KCND3: variants seen among roughly 807,000 people sequenced by gnomAD.
KCND3 encodes the protein A-type voltage-gated potassium channel KCND3.
A neutral mutation model predicts 51.1 loss-of-function variants in KCND3; 9 were observed. The observed-to-expected ratio is 0.18, with a 90% CI of 0.11 to 0.31. The LOEUF (loss-of-function observed/expected upper bound fraction) is 0.31. Ranked by LOEUF, KCND3 falls within the 10% of genes least tolerant of loss-of-function variation. KCND3 has a pLI of 1.00. For missense variants in KCND3, 526 were observed against 903.8 expected, an observed-to-expected ratio of 0.58 and a Z score of 5.36; for synonymous variants, 349 against 368.0, an observed-to-expected ratio of 0.95 and a Z score of 0.59.
At chr1:111,804,727 C>A (rs986845531) in intron 2 of KCND3, among the ~76,000 whole-genome samples, 1 of 152,230 alleles carries the variant, frequency 6.6e-6, no homozygotes, top group African/African-American at 2.4e-5. Context: ...TCCAAACAAC[C>A]CCAGATAGGG....
Position 111,780,213 on chromosome 1 carries a change from G to A in KCND3, c.1461+12C>T. ...AGCGATGAAAAGGAGGTGGCAAAGG[G>A]CTGGGACTCACAGTGGTTTTTTCCA... On this transcript the variant is annotated intron_variant, in intron 5 of 7. Transcript: ENST00000302127. The surrounding 1 kb of genome is among the most constrained non-coding windows in gnomAD (Gnocchi z 4.2). The A allele has an allele frequency of 6.3e-7, 1 of 1,575,206 alleles. No homozygotes were observed. The highest frequency in any genetic ancestry group is 8.6e-7 in the Non-Finnish European group (1 of 1,159,308).
In KCND3 at chr1:111,786,920, C is replaced by A. The variant is rs778305654; in HGVS notation, c.1269+24G>T. 101 of 1,613,632 alleles carry A rather than the reference C, an allele frequency of 6.3e-5. 1 individual carries two copies. The South Asian group carries it at 9.3e-4, about 15-fold the overall frequency. ...TCCCCCGCATCCTTTACACTGCCCC[C>A]GCTTCCCTGCGTCTGAGGCTTACCT... On this transcript the variant is annotated intron_variant, in intron 3 of 7. Transcript: ENST00000302127.
intron 2 of KCND3, among the ~76,000 whole-genome samples, chr1:111,798,558 C>G (rs1202581287): frequency 3.9e-5 from 6 of 151,902 alleles, no homozygotes; most frequent in Non-Finnish European, 2.9e-5. Flanking sequence ...CAAGTAGGGA[C>G]TCAATTGTTC....
At chr1:111,813,543 G>A (rs1002814148) in intron 2 of KCND3, among the ~76,000 whole-genome samples, 1 of 152,230 alleles carries the variant, frequency 6.6e-6, no homozygotes, top group Non-Finnish European at 1.5e-5. Flanking sequence ...GCTGCCATCT[G>A]TAATGAGAGG....
At chr1:111,948,867 G>C (rs1399372813) in intron 2 of KCND3, among the ~76,000 whole-genome samples, 14 of 152,086 alleles carry the variant, frequency 9.2e-5, no homozygotes, top group Admixed American at 9.2e-4. Flanking sequence ...AGAGAAGGAG[G>C]AGCAGCAAGC....
intron 2 of KCND3, among the ~76,000 whole-genome samples, chr1:111,815,958 C>A (rs1666070777): frequency 6.6e-6 from 1 of 152,082 alleles, no homozygotes; most frequent in Non-Finnish European, 1.5e-5. Context: ...ACTCCTAGGA[C>A]CCCGGGGAGG....
chr1:111,850,063 A>G (rs1195213959), intron 2 of KCND3, among the ~76,000 whole-genome samples: 1 of 152,126 alleles, frequency 6.6e-6, no homozygotes, highest in Non-Finnish European at 1.5e-5. Flanking sequence ...ATAACTCATC[A>G]GACATCTCAC....
chr1:111,802,490 G>A (rs1338021316), intron 2 of KCND3, among the ~76,000 whole-genome samples: 4 of 152,202 alleles, frequency 2.6e-5, no homozygotes, highest in South Asian at 2.1e-4. Flanking sequence ...GTGTGACTTC[G>A]GGGCAGCGAC....
chr1:111,861,036 A>G (rs535959047), intron 2 of KCND3, among the ~76,000 whole-genome samples: 1 of 152,118 alleles, frequency 6.6e-6, no homozygotes, highest in East Asian at 1.9e-4. Context: ...AAAGGGCTTC[A>G]TGGGGTCTGG....
At chr1:111,811,606 G>A (rs927560167) in intron 2 of KCND3, among the ~76,000 whole-genome samples, 1 of 152,132 alleles carries the variant, frequency 6.6e-6, no homozygotes, top group African/African-American at 2.4e-5. Context: ...CCCACTTACT[G>A]AATTCCCAAG....
rs1168626400 is a variant in KCND3, at chr1:111,894,911, G to C, written c.1106+86710C>G. ...AGGAGGAGGAGGAAGAGGAAGAGCAGGAAGAGGAAAGAGGAGAAGGGAGAA... is the reference window on the plus strand; with the variant it reads ...AGGAGGAGGAGGAAGAGGAAGAGCACGAAGAGGAAAGAGGAGAAGGGAGAA... On this transcript the variant is annotated intron_variant, in intron 2 of 7. Coordinates refer to ENST00000302127, the MANE Select transcript of KCND3 (RefSeq NM_001378969.1). 4.6e-5 allele frequency among the ~76,000 whole-genome samples: 7 copies of C among 151,858 alleles called. No individual in the cohort carries two copies. The East Asian group carries it at 1.2e-3, about 25-fold the overall frequency.
intron 2 of KCND3, among the ~76,000 whole-genome samples, chr1:111,855,305 T>G (rs544276402): frequency 6.6e-6 from 1 of 152,280 alleles, no homozygotes; most frequent in African/African-American, 2.4e-5. Flanking sequence ...CCTGCCAGCC[T>G]CCCTCCTGAG....
At chr1:111,778,363 T>G (rs1571623436) in intron 6 of KCND3, 73 bp downstream of exon 6, 2 of 1,422,242 alleles carry the variant, frequency 1.4e-6, no homozygotes, top group Non-Finnish European at 2.0e-6. Context: ...GGCCGGGGGG[T>G]AAAAAGGGGA....
rs190412821 is a variant in KCND3 at position 111,897,638 on chromosome 1, C to T, written c.1106+83983G>A. On this transcript the variant is annotated intron_variant, in intron 2 of 7. Coordinates refer to ENST00000302127, the MANE Select transcript of KCND3 (RefSeq NM_001378969.1). ...CAGGTCTGAGGGCAGTGGACTGAGG[C>T]GTTGAAGGCACATGGGCTCACTTGT... Among the ~76,000 whole-genome samples the T allele has an allele frequency of 1.5e-3, 225 of 152,242 alleles. 1 individual carries two copies. Among genetic ancestry groups the T allele is most frequent in the Middle Eastern group, 3.4e-3 (1 of 294 alleles).
chr1:111,974,468 C>G (rs1674522988), intron 2 of KCND3, among the ~76,000 whole-genome samples: 1 of 151,808 alleles, frequency 6.6e-6, no homozygotes, highest in South Asian at 2.1e-4. Context: ...TGGTTGTGTG[C>G]AGAGCCACCT....
chr1:111,795,584 G>C (rs1238766627), intron 2 of KCND3, among the ~76,000 whole-genome samples: 1 of 152,198 alleles, frequency 6.6e-6, no homozygotes, highest in Non-Finnish European at 1.5e-5. Flanking sequence ...TCTGACTTCA[G>C]AGCGTTCTGC....
chr1:111,936,142 G>C (rs1672206847), intron 2 of KCND3, among the ~76,000 whole-genome samples: 1 of 152,190 alleles, frequency 6.6e-6, no homozygotes, highest in Non-Finnish European at 1.5e-5. Flanking sequence ...AATACTGCTT[G>C]TATTTCAGTA....
At position 111,792,744 on chromosome 1, in the gene KCND3, C is replaced by T. The variant is rs561759801; in HGVS notation, c.1107-5638G>A. On this transcript the variant is annotated intron_variant, in intron 2 of 7. Coordinates refer to ENST00000302127, the MANE Select transcript of KCND3 (RefSeq NM_001378969.1). ...GCATGAGTTACTTTTTGTGAAAGCT[C>T]AACCTGGCATATAGGAAGAGCTTTA... Among the ~76,000 whole-genome samples, 3 of 152,194 alleles carry T rather than the reference C, an allele frequency of 2.0e-5. No individual in the cohort carries two copies. The South Asian group carries it at 6.2e-4, about 32-fold the overall frequency.
intron 2 of KCND3, among the ~76,000 whole-genome samples, chr1:111,936,961 G>T (rs1006654690): frequency 2.0e-5 from 3 of 152,228 alleles, no homozygotes; most frequent in Non-Finnish European, 2.9e-5. Flanking sequence ...TTGGATGGGG[G>T]TGAGACTAGA....
Sources: allele counts gnomAD v4.1 joint callset (sites outside exome capture counted in the v4.1 genomes callset), GRCh38; gene constraint gnomAD v4.1.1; non-coding constraint Gnocchi (gnomAD v3.1); transcripts MANE v1.5; gene names NCBI Gene and HGNC (gene_info 2026-07-23, HGNC 2026-07-21).